The following UNC80 variants were observed in gnomAD, a reference collection of about 807,000 sequenced individuals.
The protein encoded by UNC80 is unc-80 subunit of NALCN channel complex, also known as protein unc-80 homolog.
In UNC80, 164 loss-of-function variants were observed where a neutral mutation model predicts 384.6. The observed-to-expected ratio is 0.43, with a 90% CI of 0.38 to 0.49. The LOEUF is 0.49. UNC80 is among the 20% of genes least tolerant of loss of function. The pLI is 0.00. For synonymous variants in UNC80, 1,486 were observed against 1,527.8 expected (o/e 0.97, Z 0.64); for missense variants, 3,330 against 4,143.0 (o/e 0.80, Z 5.39).
chr2:209,964,122 T>C (rs955378139), intron 51 of UNC80, among the ~76,000 whole-genome samples: 3 of 152,226 alleles, frequency 2.0e-5, no homozygotes, highest in Admixed American at 6.5e-5. Context: ...AAACAGTTAT[T>C]CACTCTTCAG....
intron 7 of UNC80, chr2:209,795,868 T>G (rs746268501): frequency 6.6e-6 from 1 of 152,370 alleles, no homozygotes; most frequent in Middle Eastern, 3.4e-3. Context: ...AGGGCCCTCA[T>G]GGAGAACCTC....
At chr2:209,837,664 C>T (rs1307166700) in intron 18 of UNC80, among the ~76,000 whole-genome samples, 4 of 152,126 alleles carry the variant, frequency 2.6e-5, no homozygotes, top group African/African-American at 7.2e-5. Flanking sequence ...TATGGAAATC[C>T]CATAATCTAT....
At chr2:209,850,942 G>A (rs911310039) in intron 22 of UNC80, among the ~76,000 whole-genome samples, 1 of 152,050 alleles carries the variant, frequency 6.6e-6, no homozygotes, top group Admixed American at 6.6e-5. Context: ...GTCCTGCATG[G>A]TTTGTCTTAA....
At position 209,959,534 on chromosome 2, in the gene UNC80, G is replaced by A. The variant is rs2125001069; in HGVS notation, c.7632G>A (p.Glu2544=). 6.4e-7 allele frequency: 1 copy of A among 1,551,692 alleles called. No homozygotes were observed. The highest frequency in any genetic ancestry group is 8.7e-7 in the Non-Finnish European group (1 of 1,146,986). The stretch of plus-strand genomic sequence containing the variant: ...AGGAAGGGCAAGGCATTCCCAGAGA[G>A]GAACTGGATGAACGAATTGCTCGGG... The part of the protein sequence containing the change: ...LLEEGQGIPR[E]ELDERIAREE... Residue 2544 remains glutamate, a synonymous_variant, in exon 51 of 65, where the codon GAG becomes GAA. Transcript: ENST00000673920.
intron 8 of UNC80, 21 bp downstream of exon 8, chr2:209,813,862 T>C: frequency 6.5e-7 from 1 of 1,547,140 alleles, no homozygotes; most frequent in Non-Finnish European, 8.7e-7. Context: ...CCCGGTTCAT[T>C]GTCATTCAAA....
At chr2:209,809,438 C>A in intron 7 of UNC80, 1 of 1,471,132 alleles carries the variant, frequency 6.8e-7, no homozygotes, top group Non-Finnish European at 9.5e-7. Context: ...CGTGCCTTCG[C>A]CGACCGCTCC....
chr2:209,904,285 G>A (rs771642446), intron 28 of UNC80, among the ~76,000 whole-genome samples: 26 of 152,206 alleles, frequency 1.7e-4, no homozygotes, highest in Non-Finnish European at 2.8e-4. Context: ...TGATTGGCCA[G>A]AGGAGAAGAA....
intron 43 of UNC80, among the ~76,000 whole-genome samples, chr2:209,940,634 C>T (rs906153734): frequency 4.6e-5 from 7 of 151,900 alleles, no homozygotes; most frequent in South Asian, 2.1e-4. Flanking sequence ...GCCAACATGG[C>T]GAAACCCTGT....
At chr2:209,929,001 C>CA (rs2090645053) in intron 36 of UNC80, among the ~76,000 whole-genome samples, 1 of 152,148 alleles carries the variant, frequency 6.6e-6, no homozygotes, top group South Asian at 2.1e-4. Context: ...GAGAAAAACT[C>CA]ACACCTATTT....
chr2:209,998,212 A>C lies in UNC80; in HGVS notation c.*2617A>C, dbSNP rs2093510903. The stretch of plus-strand genomic sequence containing the variant: ...TAGCTTTTGAGAGACCTTGGAATAA[A>C]CCATGTGTTATCCATGATAGTATGA... On this transcript the variant is annotated 3_prime_UTR_variant, in exon 65 of 65. Transcript: ENST00000673920. 6.6e-6 allele frequency: 1 copy of C among 152,258 alleles called. No individual in the cohort carries two copies. The highest frequency in any genetic ancestry group is 2.1e-4 in the South Asian group (1 of 4,838). The allele number at this position is 152,258 out of a possible 1,614,324, so 9.4% of individuals were successfully genotyped here.
intron 45 of UNC80, among the ~76,000 whole-genome samples, chr2:209,944,148 T>C (rs1251532368): frequency 6.6e-6 from 1 of 152,196 alleles, no homozygotes; most frequent in Non-Finnish European, 1.5e-5. Flanking sequence ...CTCTTCAACA[T>C]TCCTCTTCAG....
intron 18 of UNC80, among the ~76,000 whole-genome samples, chr2:209,837,255 A>C (rs544231737): frequency 6.6e-6 from 1 of 152,350 alleles, no homozygotes; most frequent in South Asian, 2.1e-4. Context: ...TAAGCAAATC[A>C]ATAGCTAAAA....
chr2:209,831,364 G>T, intron 15 of UNC80, 79 bp from the exon 16 acceptor site: 1 of 1,401,576 alleles, frequency 7.1e-7, no homozygotes, highest in Non-Finnish European at 9.4e-7. Context: ...TAATTCCTGG[G>T]TGCCAAGTAC....
chr2:209,939,702 G>A (rs1311878683), intron 43 of UNC80, 50 bp downstream of exon 43: 1 of 1,434,434 alleles, frequency 7.0e-7, no homozygotes, highest in African/African-American at 1.5e-5. Context: ...TAACACACTT[G>A]TTGTTTTTTT....
At chr2:209,805,129 G>A (rs1365425465) in intron 7 of UNC80, among the ~76,000 whole-genome samples, 1 of 152,190 alleles carries the variant, frequency 6.6e-6, no homozygotes, top group Non-Finnish European at 1.5e-5. Context: ...CTTACTATAA[G>A]AGCAAGAAGA....
chr2:209,840,739 A>G (rs1460866232), intron 20 of UNC80, 91 bp downstream of exon 20: 1 of 1,039,308 alleles, frequency 9.6e-7, no homozygotes, highest in African/African-American at 1.6e-5. Context: ...GCAGGGGCCA[A>G]ATAAGGAAAA....
At chr2:209,900,523 C>T (rs1458707454) in intron 28 of UNC80, among the ~76,000 whole-genome samples, 1 of 152,176 alleles carries the variant, frequency 6.6e-6, no homozygotes, top group Non-Finnish European at 1.5e-5. Flanking sequence ...GTGTCTCTCC[C>T]TCTTCTAGGG....
At position 209,816,903 on chromosome 2, in the gene UNC80, C is replaced by T. The variant is rs747928537; in HGVS notation, c.1336-6C>T. The T allele has an allele frequency of 8.4e-6, 13 of 1,551,616 alleles. 1 individual carries two copies. The South Asian group carries it at 1.5e-4, about 18-fold the overall frequency. Reference sequence around the variant, plus strand: ...GTGCCTAATTCTACACCTCTCATCACTGTAGTTCAAGAGCCGCAAAGAAGA... The same window carrying T: ...GTGCCTAATTCTACACCTCTCATCATTGTAGTTCAAGAGCCGCAAAGAAGA... On this transcript the variant is annotated splice_region_variant and splice_polypyrimidine_tract_variant and intron_variant, in intron 9 of 64. Coordinates refer to ENST00000673920, the MANE Select transcript of UNC80 (RefSeq NM_001371986.1).
chr2:209,776,069 T>C (rs1452644846), intron 3 of UNC80, 24 bp downstream of exon 3: 1 of 1,613,594 alleles, frequency 6.2e-7, no homozygotes, highest in Non-Finnish European at 8.5e-7. Flanking sequence ...ATTACTTCTT[T>C]ATTGCATGTG....
Sources: gnomAD v4.1 joint callset for allele counts (sites outside exome capture counted in the v4.1 genomes callset) on GRCh38, gnomAD v4.1.1 for gene constraint, MANE v1.5 for transcripts, NCBI Gene and HGNC (gene_info 2026-07-23, HGNC 2026-07-21) for gene names.